Variants in NEGR1 observed in about 807,000 individuals in gnomAD.
NEGR1 encodes IgLON family member 4.
In NEGR1, 10 loss-of-function variants were observed where a neutral mutation model predicts 40.9. The ratio of observed to expected loss-of-function variants is 0.24; its 90% confidence interval spans 0.15 to 0.42. The LOEUF (loss-of-function observed/expected upper bound fraction) is 0.42. NEGR1 is among the 10% of genes least tolerant of loss of function. The probability of loss-of-function intolerance (pLI) is 1.00; values close to 1 mark genes in which losing one functional copy is unlikely to be tolerated. For missense variants in NEGR1, 352 were observed against 438.9 expected (o/e 0.80, Z 1.77); for synonymous variants, 185 against 166.8 (o/e 1.11, Z -0.84).
At chr1:71,718,045 A>G (rs1654336547) in intron 3 of NEGR1, among the ~76,000 whole-genome samples, 1 of 152,084 alleles carries the variant, frequency 6.6e-6, no homozygotes, top group South Asian at 2.1e-4. Flanking sequence ...CATCTGTGAT[A>G]CTCTGTTTTG....
intron 1 of NEGR1, among the ~76,000 whole-genome samples, chr1:72,069,640 AT>A (rs1360213486): frequency 6.6e-6 from 1 of 152,062 alleles, no homozygotes; most frequent in Admixed American, 6.6e-5. Flanking sequence ...TCTATTCAGT[AT>A]TCCTTCACAG....
At chr1:72,147,320 C>T (rs930275949) in intron 1 of NEGR1, among the ~76,000 whole-genome samples, 1 of 152,164 alleles carries the variant, frequency 6.6e-6, no homozygotes, top group African/African-American at 2.4e-5. Context: ...TCTTACATGG[C>T]AGCAACAAGA....
At chr1:71,926,742 C>T (rs1056591082) in intron 2 of NEGR1, among the ~76,000 whole-genome samples, 2 of 151,762 alleles carry the variant, frequency 1.3e-5, no homozygotes, top group Non-Finnish European at 2.9e-5. Context: ...TTAGTAATTC[C>T]CTTTGTGTAG....
intron 2 of NEGR1, among the ~76,000 whole-genome samples, chr1:71,909,428 G>A (rs576512517): frequency 4.6e-5 from 7 of 152,140 alleles, no homozygotes; most frequent in Admixed American, 6.5e-5. Context: ...TCCGGTGTTC[G>A]TTGAATGTGA....
chr1:71,447,187 C>T (rs1342656058), intron 6 of NEGR1, among the ~76,000 whole-genome samples: 2 of 152,122 alleles, frequency 1.3e-5, no homozygotes, highest in African/African-American at 4.8e-5. Context: ...ACCTAGGGAT[C>T]TAGGGTGAGC....
intron 1 of NEGR1, among the ~76,000 whole-genome samples, chr1:72,221,919 C>A (rs1654025904): frequency 6.6e-6 from 1 of 152,112 alleles, no homozygotes; most frequent in South Asian, 2.1e-4. Flanking sequence ...CAACATAAAG[C>A]CAAGACCCAC....
At chr1:72,145,748 C>T (rs776030799) in intron 1 of NEGR1, among the ~76,000 whole-genome samples, 19 of 152,170 alleles carry the variant, frequency 1.2e-4, no homozygotes, top group African/African-American at 3.9e-4. Context: ...TCTCTACCTT[C>T]ATTATTTTTC....
intron 3 of NEGR1, among the ~76,000 whole-genome samples, chr1:71,723,875 C>T (rs1297950834): frequency 1.3e-5 from 2 of 152,000 alleles, no homozygotes; most frequent in Non-Finnish European, 2.9e-5. Context: ...TGGTATCTGA[C>T]ACTAGTTGCA....
chr1:71,464,897 T>C (rs564653850), intron 6 of NEGR1, among the ~76,000 whole-genome samples: 1 of 152,184 alleles, frequency 6.6e-6, no homozygotes, highest in African/African-American at 2.4e-5. Flanking sequence ...ACAAAGGCAG[T>C]GGTACACAGT....
At chr1:72,112,828 C>T (rs570312222) in intron 1 of NEGR1, among the ~76,000 whole-genome samples, 98 of 151,670 alleles carry the variant, frequency 6.5e-4, no homozygotes, top group African/African-American at 1.8e-3. Flanking sequence ...CTTCTCTGGG[C>T]GCTCCCCTGA....
At chr1:71,630,859 C>T (rs1417797490) in intron 4 of NEGR1, among the ~76,000 whole-genome samples, 1 of 151,866 alleles carries the variant, frequency 6.6e-6, no homozygotes, top group Non-Finnish European at 1.5e-5. Context: ...TGTCTTTTAA[C>T]ATTTTAATGA....
chr1:72,054,736 A>G (rs1319936506), intron 1 of NEGR1, among the ~76,000 whole-genome samples: 1 of 151,268 alleles, frequency 6.6e-6, no homozygotes, highest in Non-Finnish European at 1.5e-5. Context: ...TACAATTAAA[A>G]TACCACATTT....
intron 2 of NEGR1, among the ~76,000 whole-genome samples, chr1:71,793,506 CT>C (rs1266171686): frequency 6.6e-6 from 1 of 151,070 alleles, no homozygotes; most frequent in Non-Finnish European, 1.5e-5. Flanking sequence ...GTTATATAGC[CT>C]ACTCAAGAGA....
intron 4 of NEGR1, among the ~76,000 whole-genome samples, chr1:71,685,003 C>T (rs1277153113): frequency 1.3e-5 from 2 of 152,010 alleles, no homozygotes; most frequent in Non-Finnish European, 2.9e-5. Flanking sequence ...TTAGGTTTGT[C>T]TTACACAAGC....
chr1:72,085,733 G>T (rs1294727555), intron 1 of NEGR1, among the ~76,000 whole-genome samples: 1 of 152,114 alleles, frequency 6.6e-6, no homozygotes, highest in African/African-American at 2.4e-5. Flanking sequence ...ACTTTGGGAG[G>T]CTGAGGCGGG....
intron 1 of NEGR1, among the ~76,000 whole-genome samples, chr1:71,963,641 T>C (rs1646186798): frequency 6.6e-6 from 1 of 152,172 alleles, no homozygotes; most frequent in African/African-American, 2.4e-5. Flanking sequence ...ATATGTGTGA[T>C]TATTTAAATA....
At chr1:71,690,030 C>G (rs1484162358) in intron 4 of NEGR1, among the ~76,000 whole-genome samples, 1 of 151,792 alleles carries the variant, frequency 6.6e-6, no homozygotes, top group Non-Finnish European at 1.5e-5. Context: ...TGCTTTTGTC[C>G]CAAATTTATC....
chr1:71,865,073 G>T (rs1230875466), intron 2 of NEGR1, among the ~76,000 whole-genome samples: 1 of 152,156 alleles, frequency 6.6e-6, no homozygotes, highest in Non-Finnish European at 1.5e-5. Context: ...GAGATCACAT[G>T]CTGAATAAAA....
At chr1:71,815,623 G>C (rs956614306) in intron 2 of NEGR1, among the ~76,000 whole-genome samples, 22 of 151,996 alleles carry the variant, frequency 1.4e-4, no homozygotes, top group African/African-American at 5.1e-4. Context: ...AGGTTACTTA[G>C]TTCTTCTTGT....
Sources: allele counts gnomAD v4.1 joint callset (sites outside exome capture counted in the v4.1 genomes callset), GRCh38; gene constraint gnomAD v4.1.1; transcripts MANE v1.5; gene names NCBI Gene and HGNC (gene_info 2026-07-23, HGNC 2026-07-21).